The following PDLIM1 variants were observed in gnomAD, a reference collection of about 807,000 sequenced individuals.
The protein encoded by PDLIM1 is PDZ and LIM domain 1, also known as PDZ and LIM domain protein 1.
PDLIM1 carries 25 observed loss-of-function variants against 35.2 expected under a neutral mutation model. That is an observed-to-expected ratio of 0.71 (90% CI 0.52 to 0.99). The LOEUF is 0.99. PDLIM1 is among the 50% of genes least tolerant of loss of function. PDLIM1 has a pLI of 0.00. For missense variants in PDLIM1, 363 were observed against 415.3 expected, an observed-to-expected ratio of 0.87 and a Z score of 1.09; for synonymous variants, 152 against 154.0, an observed-to-expected ratio of 0.99 and a Z score of 0.10.
intron 4 of PDLIM1, among the ~76,000 whole-genome samples, chr10:95,257,017 A>AGAAAGAAAGAAAGAAAGAAAGAAAGAAG (rs1247609194): frequency 6.7e-6 from 1 of 149,766 alleles, no homozygotes; most frequent in Non-Finnish European, 1.5e-5. Flanking sequence ...AAAGAAAGAA[A>AGAAAGAAAGAAAGAAAGAAAGAAAGAAG]GAAAGAAAGA....
chr10:95,239,245 A>T (rs2035153353), intron 5 of PDLIM1, among the ~76,000 whole-genome samples: 1 of 152,196 alleles, frequency 6.6e-6, no homozygotes, highest in Non-Finnish European at 1.5e-5. Flanking sequence ...CTATAAAAAC[A>T]CTACAAGAAA....
chr10:95,243,726 T>C (rs1297416034), intron 5 of PDLIM1, among the ~76,000 whole-genome samples: 1 of 152,158 alleles, frequency 6.6e-6, no homozygotes, highest in African/African-American at 2.4e-5. Context: ...GACAGATGAA[T>C]GGATAAATAA....
intron 1 of PDLIM1, among the ~76,000 whole-genome samples, chr10:95,289,667 T>C (rs930119341): frequency 5.9e-5 from 9 of 152,158 alleles, no homozygotes; most frequent in African/African-American, 2.2e-4. Context: ...CATAAGGATA[T>C]TTCCCTTTCT....
At chr10:95,249,712 C>T (rs773168076) in intron 4 of PDLIM1, among the ~76,000 whole-genome samples, 2 of 152,286 alleles carry the variant, frequency 1.3e-5, no homozygotes, top group South Asian at 2.1e-4. Flanking sequence ...CTCTGGGGCA[C>T]GTTCAGTACT....
intron 4 of PDLIM1, among the ~76,000 whole-genome samples, chr10:95,257,006 G>GAAAAGAAAAGAAAAGA (rs376776604): frequency 1.8e-4 from 16 of 87,606 alleles, no homozygotes; most frequent in Admixed American, 5.4e-4. Flanking sequence ...AAGAAAGAAA[G>GAAAAGAAAAGAAAAGA]AAAGAAAGAA....
At chr10:95,277,626 G>A (rs539484068) in intron 1 of PDLIM1, among the ~76,000 whole-genome samples, 1 of 147,786 alleles carries the variant, frequency 6.8e-6, no homozygotes, top group African/African-American at 2.5e-5. Flanking sequence ...CTGGGCAACA[G>A]AGTAAGAATG....
chr10:95,285,735 G>A (rs2035596601), intron 1 of PDLIM1, among the ~76,000 whole-genome samples: 1 of 152,178 alleles, frequency 6.6e-6, no homozygotes. Context: ...TATGATGCAG[G>A]CAGTGTACTT....
chr10:95,282,838 G>A (rs1276723290), intron 1 of PDLIM1, among the ~76,000 whole-genome samples: 1 of 152,126 alleles, frequency 6.6e-6, no homozygotes, highest in Non-Finnish European at 1.5e-5. Flanking sequence ...CAGCTACTTG[G>A]GAGGCTGAGG....
rs199932530 is a variant in PDLIM1 at position 95,238,040 on chromosome 10, T to C, written c.875A>G (p.Asn292Ser). The part of the protein sequence containing the change: ...ECYVCTDCGT[N>S]LKQKGHFFVE... The stretch of plus-strand genomic sequence containing the variant: ...AAAGAAATGGCCCTTCTGTTTCAGG[T>C]TGGTGCCACAGTCAGTGCACACATA... Residue 292 changes from asparagine (N) to serine (S), a missense_variant, in exon 7 of 7, where the codon AAC becomes AGC. By Grantham distance (46) the Asn-to-Ser change is conservative (BLOSUM62 1). Transcript: ENST00000329399. The C allele has an allele frequency of 1.2e-6, 2 of 1,614,010 alleles. No individual in the cohort carries two copies. Among genetic ancestry groups the C allele is most frequent in the Non-Finnish European group, 1.7e-6 (2 of 1,180,002 alleles).
In PDLIM1 at chr10:95,237,931, G is replaced by C; in HGVS notation, c.984C>G (p.Pro328=). The change falls in exon 7 of 7, where the codon CCC becomes CCG. Residue 328 remains proline, a synonymous_variant. Transcript: ENST00000329399. ...AGTGGTCAGATCTGCTGGCTCACTT[G>C]GGGAACACAGTGACCACTTCATAAC... ...PEGYEVVTVF[P]K is the part of the protein sequence containing the mutation. 1 of 1,613,692 alleles carries C rather than the reference G, an allele frequency of 6.2e-7. No homozygotes were observed. The highest frequency in any genetic ancestry group is 8.5e-7 in the Non-Finnish European group (1 of 1,179,664).
In PDLIM1 at chr10:95,271,772, T is replaced by C; in HGVS notation, c.109A>G (p.Ser37Gly). ...PLAISRVTPG[S>G]KAALANLCIG... Reference sequence around the variant, plus strand: ...CATAAATTAGCTAGAGCCGCCTTGCTTCCAGGAGTGACCTAGAAAAAAAGG... The same window carrying C: ...CATAAATTAGCTAGAGCCGCCTTGCCTCCAGGAGTGACCTAGAAAAAAAGG... The change falls in exon 2 of 7, where the codon AGC becomes GGC. Residue 37 changes from serine to glycine, a missense_variant. Coordinates refer to ENST00000329399, the MANE Select transcript of PDLIM1 (RefSeq NM_020992.4). The C allele has an allele frequency of 6.2e-7, 1 of 1,611,244 alleles. No individual in the cohort carries two copies. Among genetic ancestry groups the C allele is most frequent in the Non-Finnish European group, 8.5e-7 (1 of 1,179,226 alleles).
intron 1 of PDLIM1, among the ~76,000 whole-genome samples, chr10:95,277,687 C>T (rs1176412905): frequency 6.6e-6 from 1 of 152,064 alleles, no homozygotes; most frequent in Non-Finnish European, 1.5e-5. Flanking sequence ...TTAGGCACAA[C>T]AATTTCCACT....
chr10:95,244,151 T>C (rs1052597936), intron 5 of PDLIM1, among the ~76,000 whole-genome samples: 3 of 152,208 alleles, frequency 2.0e-5, no homozygotes, highest in African/African-American at 7.2e-5. Flanking sequence ...CGGCTTCTTC[T>C]GCCTGCAAGT....
intron 4 of PDLIM1, among the ~76,000 whole-genome samples, chr10:95,254,887 CAA>C (rs770870235): frequency 2.4e-4 from 36 of 151,782 alleles, no homozygotes; most frequent in Non-Finnish European, 4.3e-4. Context: ...CCAACCTGGG[CAA>C]GAGAGAGAGA....
In PDLIM1 at chr10:95,247,263, A is replaced by G. The variant is rs775875167; in HGVS notation, c.637T>C (p.Ser213Pro). The change falls in exon 5 of 7, where the codon TCC (serine) becomes CCC (proline). Residue 213 changes from serine (S) to proline (P), a missense_variant. Ser to Pro is a moderately conservative substitution (Grantham distance 74). Transcript: ENST00000329399. ...TCCTGCAAAACCAAGAAAGACGTGG[A>G]CTGTTTCGGGGGCTCATTCAACTCC... Reference protein sequence around the residue: ...KQELNEPPKQSTSFLVLQEIL... With the variant: ...KQELNEPPKQPTSFLVLQEIL... 6.2e-7 allele frequency: 1 copy of G among 1,614,030 alleles called. No individual in the cohort carries two copies. Among genetic ancestry groups the G allele is most frequent in the South Asian group, 1.1e-5 (1 of 91,022 alleles).
chr10:95,259,808 G>C (rs2035345752), intron 4 of PDLIM1, among the ~76,000 whole-genome samples: 1 of 152,128 alleles, frequency 6.6e-6, no homozygotes, highest in South Asian at 2.1e-4. Flanking sequence ...ATGAATGTTT[G>C]GGGGCAACAC....
At position 95,237,893 on chromosome 10, in the gene PDLIM1, C is replaced by G; in HGVS notation, c.*32G>C. ...CTGAGAGAAAAAGCTGCAGCAGAGG[C>G]CTGCTGGAGAACAGTGGTCAGATCT... On this transcript the variant is annotated 3_prime_UTR_variant, in exon 7 of 7. Coordinates refer to ENST00000329399, the MANE Select transcript of PDLIM1 (RefSeq NM_020992.4). 1.3e-6 allele frequency: 2 copies of G among 1,585,214 alleles called. No individual in the cohort carries two copies. Among genetic ancestry groups the G allele is most frequent in the African/African-American group, 1.3e-5 (1 of 74,556 alleles).
intron 4 of PDLIM1, among the ~76,000 whole-genome samples, chr10:95,263,483 CA>C (rs11306579): frequency 0.61 from 92,229 of 152,004 alleles, 29,481 homozygotes; most frequent in Non-Finnish European, 0.7. Flanking sequence ...TAGATTCCCT[CA>C]AACACTCCCC....
chr10:95,246,215 G>T (rs993356801), intron 5 of PDLIM1, among the ~76,000 whole-genome samples: 1 of 152,234 alleles, frequency 6.6e-6, no homozygotes, highest in Non-Finnish European at 1.5e-5. Context: ...GAGCATCACA[G>T]GAGGTGCTGA....
Sources: allele counts gnomAD v4.1 joint callset (sites outside exome capture counted in the v4.1 genomes callset), GRCh38; gene constraint gnomAD v4.1.1; transcripts MANE v1.5; gene names NCBI Gene and HGNC (gene_info 2026-07-23, HGNC 2026-07-21).